IFT88: variants seen among roughly 807,000 people sequenced by gnomAD.
IFT88 encodes the protein intraflagellar transport 88, also known as intraflagellar transport protein 88 homolog.
IFT88 carries 74 observed loss-of-function variants against 119.5 expected under a neutral mutation model. The ratio of observed to expected loss-of-function variants is 0.62; its 90% CI spans 0.51 to 0.75. IFT88 has a LOEUF of 0.75. IFT88 is among the 30% of genes least tolerant of loss of function. The probability of loss-of-function intolerance (pLI) is 0.00; values close to 1 mark genes in which losing one functional copy is unlikely to be tolerated. For synonymous variants in IFT88, 279 were observed against 316.7 expected, an observed-to-expected ratio of 0.88 and a Z score of 1.26; for missense variants, 961 against 977.7, an observed-to-expected ratio of 0.98 and a Z score of 0.23.
intron 20 of IFT88, among the ~76,000 whole-genome samples, chr13:20,648,250 G>T (rs1346242344): frequency 6.6e-6 from 1 of 152,112 alleles, no homozygotes; most frequent in Non-Finnish European, 1.5e-5. Flanking sequence ...ACAAAAATTA[G>T]CTGGGTGTGG....
chr13:20,650,613 G>A (rs1364422870), intron 20 of IFT88, among the ~76,000 whole-genome samples: 2 of 152,156 alleles, frequency 1.3e-5, no homozygotes, highest in African/African-American at 4.8e-5. Context: ...TCTAGCCAGA[G>A]CAGGTAGGCA....
chr13:20,594,662 A>G (rs1035598337), intron 7 of IFT88, among the ~76,000 whole-genome samples: 3 of 152,212 alleles, frequency 2.0e-5, no homozygotes, highest in African/African-American at 7.2e-5. Context: ...TCTGTAAGCA[A>G]CATTTAAGAC....
chr13:20,625,865 A>T lies in IFT88; in HGVS notation c.1299+16A>T, dbSNP rs1225815702. 1 of 1,417,202 alleles carries T rather than the reference A, an allele frequency of 7.1e-7. No homozygotes were observed. The highest frequency in any genetic ancestry group is 9.7e-7 in the Non-Finnish European group (1 of 1,028,482). 87.8% of individuals were successfully genotyped at this position (1,417,202 alleles called of 1,614,324 possible). On this transcript the variant is annotated intron_variant, in intron 15 of 25. Coordinates refer to ENST00000351808, the MANE Select transcript of IFT88 (RefSeq NM_006531.5). ...CTATAACCAAGTAAGTTTTAAAAAA[A>T]ATTTTAGATGGAATTCCATATCTTA...
chr13:20,685,211 C>G (rs1210524629), intron 24 of IFT88, among the ~76,000 whole-genome samples: 1 of 152,284 alleles, frequency 6.6e-6, no homozygotes, highest in East Asian at 1.9e-4. Context: ...CAGGCTGCTC[C>G]TGCTATTGTT....
chr13:20,672,912 C>T (rs1350239799), intron 24 of IFT88, among the ~76,000 whole-genome samples: 1 of 152,216 alleles, frequency 6.6e-6, no homozygotes, highest in Non-Finnish European at 1.5e-5. Flanking sequence ...ATGTTCTTAA[C>T]AGCCAAGAAG....
At chr13:20,619,905 C>T (rs2046221944) in intron 14 of IFT88, among the ~76,000 whole-genome samples, 1 of 152,136 alleles carries the variant, frequency 6.6e-6, no homozygotes, top group African/African-American at 2.4e-5. Context: ...TCATTTTAGC[C>T]AGCCATACTG....
At chr13:20,567,951 GGAA>G (rs773485113) in intron 1 of IFT88, 54 of 703,936 alleles carry the variant, frequency 7.7e-5, no homozygotes, top group South Asian at 6.7e-4. Flanking sequence ...GGGCCACATC[GGAA>G]GAAGAATTGT....
intron 13 of IFT88, among the ~76,000 whole-genome samples, chr13:20,611,259 C>T (rs1214853963): frequency 6.6e-6 from 1 of 151,666 alleles, no homozygotes; most frequent in Non-Finnish European, 1.5e-5. Flanking sequence ...AAAGGAAGTT[C>T]CCCAATTTGA....
chr13:20,612,827 G>A (rs2044814519), intron 13 of IFT88, among the ~76,000 whole-genome samples: 1 of 152,196 alleles, frequency 6.6e-6, no homozygotes, highest in Non-Finnish European at 1.5e-5. Context: ...GAGGTGCCAG[G>A]AAAATTTAAG....
At chr13:20,614,093 G>C (rs1348005866) in intron 13 of IFT88, among the ~76,000 whole-genome samples, 1 of 152,174 alleles carries the variant, frequency 6.6e-6, no homozygotes, top group Non-Finnish European at 1.5e-5. Flanking sequence ...TGGGTGAGCT[G>C]TATGGTATAT....
chr13:20,584,855 T>C (rs548701490), intron 3 of IFT88, among the ~76,000 whole-genome samples: 1 of 152,156 alleles, frequency 6.6e-6, no homozygotes, highest in African/African-American at 2.4e-5. Context: ...CCAGGGACAT[T>C]GAGCAATGCT....
At chr13:20,663,170 A>G (rs2054107123) in intron 22 of IFT88, 1 of 1,033,578 alleles carries the variant, frequency 9.7e-7, no homozygotes, top group Non-Finnish European at 1.3e-6. Flanking sequence ...AGCTCTTTAT[A>G]TGTATTTATG....
At position 20,643,512 on chromosome 13, in the gene IFT88, T is replaced by C. The variant is rs375328771; in HGVS notation, c.1740T>C (p.Ser580=). The C allele has an allele frequency of 3.5e-4, 566 of 1,612,812 alleles. No individual in the cohort carries two copies. The highest frequency in any genetic ancestry group is 4.6e-4 in the Non-Finnish European group (540 of 1,179,048). The part of the protein sequence containing the change: ...QAIEWLMQVV[S]VIPTDPQVLS... ...TTGAATGGCTAATGCAGGTGGTCAG[T>C]GTTATTCCAACCGATCCTCAAGTTT... The change falls in exon 19 of 26, where the codon AGT becomes AGC. Residue 580 remains serine, a synonymous_variant. Coordinates refer to ENST00000351808, the MANE Select transcript of IFT88 (RefSeq NM_006531.5).
chr13:20,625,547 C>T (rs927493362), intron 14 of IFT88, among the ~76,000 whole-genome samples: 1 of 152,056 alleles, frequency 6.6e-6, no homozygotes, highest in African/African-American at 2.4e-5. Context: ...TTAAAATAGG[C>T]TAATGATAAA....
At chr13:20,679,923 G>T (rs1321164393) in intron 24 of IFT88, among the ~76,000 whole-genome samples, 1 of 152,120 alleles carries the variant, frequency 6.6e-6, no homozygotes, top group Admixed American at 6.5e-5. Context: ...TCCACCATCT[G>T]ATTATTTTGT....
At chr13:20,600,575 A>G (rs924089697) in intron 11 of IFT88, among the ~76,000 whole-genome samples, 1 of 152,208 alleles carries the variant, frequency 6.6e-6, no homozygotes, top group Non-Finnish European at 1.5e-5. Flanking sequence ...GTGTTTAGAA[A>G]TAAGGTGGGA....
intron 2 of IFT88, among the ~76,000 whole-genome samples, chr13:20,575,561 G>T (rs1352732250): frequency 1.3e-5 from 2 of 152,112 alleles, no homozygotes; most frequent in Admixed American, 6.5e-5. Context: ...TCTCATGAAT[G>T]GTTTAGCATG....
chr13:20,574,650 G>A (rs2037024795), intron 2 of IFT88, among the ~76,000 whole-genome samples, 175 bp downstream of exon 2: 1 of 152,156 alleles, frequency 6.6e-6, no homozygotes, highest in South Asian at 2.1e-4. Flanking sequence ...AATAATTGCA[G>A]CAGAAGGAAA....
rs137918809 is a variant in IFT88 at position 20,625,763 on chromosome 13, G to T, written c.1213G>T (p.Val405Leu). ...AAGYDWCVEVVKASQYVELAN... is the reference protein window; with the variant it reads ...AAGYDWCVEVLKASQYVELAN... ...TTTCCCTTATAGGTGCGTGGAAGTGGTGAAAGCTTCTCAATATGTAGAGCT... is the reference window on the plus strand; with the variant it reads ...TTTCCCTTATAGGTGCGTGGAAGTGTTGAAAGCTTCTCAATATGTAGAGCT... Residue 405 changes from valine to leucine, a missense_variant, in exon 15 of 26, where the codon GTG becomes TTG. Physicochemically the swap from Val to Leu is conservative, Grantham distance 32. Transcript: ENST00000351808. 9.4e-4 allele frequency: 1,512 copies of T among 1,602,694 alleles called. 27 individuals carry two copies. In the South Asian group the frequency reaches 0.016, roughly 17 times the overall value.
Sources: gnomAD v4.1 joint callset for allele counts (sites outside exome capture counted in the v4.1 genomes callset) on GRCh38, gnomAD v4.1.1 for gene constraint, MANE v1.5 for transcripts, NCBI Gene and HGNC (gene_info 2026-07-23, HGNC 2026-07-21) for gene names.